Variants in ISY1 observed in about 807,000 individuals in gnomAD.
The protein encoded by ISY1 is pre-mRNA-splicing factor ISY1 homolog.
ISY1 carries 12 observed loss-of-function variants against 54.4 expected under a neutral mutation model. The ratio of observed to expected loss-of-function variants is 0.22; its 90% CI spans 0.14 to 0.36. The LOEUF is 0.36. ISY1 is among the 10% of genes least tolerant of loss of function. The pLI is 1.00. For synonymous variants in ISY1, 96 were observed against 117.9 expected (o/e 0.81, Z 1.20); for missense variants, 282 against 342.2 (o/e 0.82, Z 1.39).
In ISY1 at chr3:129,153,504, C is replaced by A. The variant is rs184996668; in HGVS notation, c.187+3129G>T. 2.6e-5 allele frequency among the ~76,000 whole-genome samples: 4 copies of A among 152,228 alleles called. No individual in the cohort carries two copies. In the South Asian group the frequency reaches 8.3e-4, roughly 32 times the overall value. On this transcript the variant is annotated intron_variant, in intron 5 of 10. Coordinates refer to ENST00000393295, the MANE Select transcript of ISY1 (RefSeq NM_020701.4). ...GTAACAATCAAAAATTTCTTCAGGGCTGGGCGCAGTGGCTCAAGCCTGTAA... is the reference window on the plus strand; with the variant it reads ...GTAACAATCAAAAATTTCTTCAGGGATGGGCGCAGTGGCTCAAGCCTGTAA...
chr3:129,148,780 G>T (rs1936847485), intron 5 of ISY1, among the ~76,000 whole-genome samples: 1 of 151,836 alleles, frequency 6.6e-6, no homozygotes, highest in African/African-American at 2.4e-5. Context: ...TGTTGGCCAG[G>T]CTGGTCTCAA....
intron 5 of ISY1, among the ~76,000 whole-genome samples, chr3:129,147,298 G>C (rs1329948417): frequency 6.6e-6 from 1 of 151,758 alleles, no homozygotes; most frequent in Admixed American, 6.6e-5. Flanking sequence ...AATAGCTTGA[G>C]CCTGGGAGGC....
intron 5 of ISY1, among the ~76,000 whole-genome samples, chr3:129,146,299 A>G (rs1240407058): frequency 6.6e-6 from 1 of 152,132 alleles, no homozygotes; most frequent in Non-Finnish European, 1.5e-5. Flanking sequence ...CAGGAAAGCA[A>G]TGTATTGCTA....
At chr3:129,145,347 CAA>C (rs539403662) in intron 6 of ISY1, among the ~76,000 whole-genome samples, 161 of 152,162 alleles carry the variant, frequency 1.1e-3, no homozygotes, top group African/African-American at 3.7e-3. Context: ...CTCAGCCTCC[CAA>C]GTAGCTGGGA....
At chr3:129,147,245 T>A (rs1397281804) in intron 5 of ISY1, among the ~76,000 whole-genome samples, 1 of 151,418 alleles carries the variant, frequency 6.6e-6, no homozygotes, top group East Asian at 1.9e-4. Context: ...GGAGTGATGG[T>A]GCACGCTTGT....
At chr3:129,160,442 G>A (rs1279261693) in intron 1 of ISY1, among the ~76,000 whole-genome samples, 1 of 151,458 alleles carries the variant, frequency 6.6e-6, no homozygotes, top group Non-Finnish European at 1.5e-5. Flanking sequence ...CACCCTCATA[G>A]AACACTTTCT....
At chr3:129,130,839 G>A (rs1012300998) in intron 9 of ISY1, 7 of 452,196 alleles carry the variant, frequency 1.5e-5, no homozygotes, top group African/African-American at 1.4e-4. Flanking sequence ...TTTGTCTAAG[G>A]AGGAAATAAG....
intron 7 of ISY1, among the ~76,000 whole-genome samples, chr3:129,139,426 A>G (rs956369944): frequency 2.0e-5 from 3 of 152,214 alleles, no homozygotes; most frequent in African/African-American, 7.2e-5. Context: ...AGAAGGAGAT[A>G]TAACAAAATG....
chr3:129,154,894 T>C (rs1937091607), intron 5 of ISY1, among the ~76,000 whole-genome samples: 1 of 151,826 alleles, frequency 6.6e-6, no homozygotes, highest in South Asian at 2.1e-4. Flanking sequence ...TTCACCGTGT[T>C]AGCCAGGATG....
intron 5 of ISY1, among the ~76,000 whole-genome samples, chr3:129,150,604 T>G (rs577342924): frequency 1.3e-5 from 2 of 152,036 alleles, no homozygotes; most frequent in South Asian, 2.1e-4. Flanking sequence ...TCCCAGCTAC[T>G]CGGGAGGCTG....
At chr3:129,160,430 C>T (rs1030057905) in intron 1 of ISY1, among the ~76,000 whole-genome samples, 2 of 151,884 alleles carry the variant, frequency 1.3e-5, no homozygotes, top group Admixed American at 6.6e-5. Context: ...CCACAGAGAG[C>T]ACACCCTCAT....
chr3:129,150,633 A>C (rs1178404394), intron 5 of ISY1, among the ~76,000 whole-genome samples: 1 of 151,826 alleles, frequency 6.6e-6, no homozygotes, highest in Admixed American at 6.6e-5. Context: ...GAATGGCATG[A>C]ACCTGGGGGG....
At chr3:129,151,923 C>T (rs950611728) in intron 5 of ISY1, among the ~76,000 whole-genome samples, 1 of 152,064 alleles carries the variant, frequency 6.6e-6, no homozygotes, top group Non-Finnish European at 1.5e-5. Flanking sequence ...CTTAGGGAGG[C>T]CAAGGTGGGT....
chr3:129,136,667 C>A (rs1156903143), intron 7 of ISY1, among the ~76,000 whole-genome samples: 1 of 150,308 alleles, frequency 6.7e-6, no homozygotes, highest in Non-Finnish European at 1.5e-5. Context: ...CCACGCCCGG[C>A]TAATTTTGTA....
At chr3:129,149,640 CAA>C (rs1291277597) in intron 5 of ISY1, among the ~76,000 whole-genome samples, 1 of 70,928 alleles carries the variant, frequency 1.4e-5, no homozygotes, top group African/African-American at 6.0e-5. Flanking sequence ...TATATATACA[CAA>C]AAAAAATCAG....
rs1349455196 is a variant in ISY1, at chr3:129,156,381, AGAGT to A, written c.187+248_187+251del. On this transcript the variant is annotated intron_variant, in intron 5 of 10. Transcript: ENST00000393295. ...ACCACTGCACTCCAGCCTGGGTGAC[AGAGT>A]GAGACTCTGTCTCAAAAAAAAAAAA... 4.3e-5 allele frequency among the ~76,000 whole-genome samples: 6 copies of A among 140,750 alleles called. 1 individual carries two copies. The East Asian group carries it at 1.3e-3, about 30-fold the overall frequency. The allele number at this position is 140,750 out of a possible 152,430, so 92.3% of individuals were successfully genotyped here. A position where few individuals can be genotyped will look rare whatever the true frequency, so the allele number is the denominator to read the frequency against.
intron 9 of ISY1, among the ~76,000 whole-genome samples, chr3:129,132,746 G>A (rs1330471703): frequency 6.6e-6 from 1 of 152,198 alleles, no homozygotes; most frequent in South Asian, 2.1e-4. Context: ...TGGCTCACAG[G>A]AGCCATGAAT....
chr3:129,134,680 G>C lies in ISY1; in HGVS notation c.541+152C>G, dbSNP rs1211050726. The stretch of plus-strand genomic sequence containing the variant: ...CACACAGCTTTGACTGCCTCACAGG[G>C]GTCAGGGAATTAGCAGACCATCACG... On this transcript the variant is annotated intron_variant, in intron 8 of 10. Transcript: ENST00000393295. The C allele has an allele frequency of 4.4e-6, 5 of 1,128,766 alleles. No homozygotes were observed. The African/African-American group carries it at 4.8e-5, about 11-fold the overall frequency. The allele number at this position is 1,128,766 out of a possible 1,614,324, so 69.9% of individuals were successfully genotyped here. A position where few individuals can be genotyped will look rare whatever the true frequency, so the allele number is the denominator to read the frequency against.
chr3:129,130,461 G>A, intron 10 of ISY1, 89 bp downstream of exon 10: 1 of 1,500,370 alleles, frequency 6.7e-7, no homozygotes, highest in Non-Finnish European at 9.0e-7. Flanking sequence ...TGATGGGTAG[G>A]AAGGACAACG....
Sources: gnomAD v4.1 joint callset for allele counts (sites outside exome capture counted in the v4.1 genomes callset) on GRCh38, gnomAD v4.1.1 for gene constraint, MANE v1.5 for transcripts, NCBI Gene and HGNC (gene_info 2026-07-23, HGNC 2026-07-21) for gene names.